EPHX2: variants seen among roughly 807,000 people sequenced by gnomAD.
The protein encoded by EPHX2 is bifunctional epoxide hydrolase 2.
Under a neutral mutation model 78.7 loss-of-function variants are expected in EPHX2, and 74 were observed. That is an observed-to-expected ratio of 0.94 (90% CI 0.78 to 1.14). The LOEUF (loss-of-function observed/expected upper bound fraction) is 1.14, where lower values mean the gene tolerates loss of function less well. Among genes scored for constraint, EPHX2 ranks in the 50% most tolerant of loss-of-function variants. EPHX2 has a pLI of 0.00. For synonymous variants in EPHX2, 251 were observed against 255.2 expected (o/e 0.98, Z 0.16); for missense variants, 715 against 702.5 (o/e 1.02, Z -0.20).
At chr8:27,529,979 A>G (rs1402701093) in intron 12 of EPHX2, among the ~76,000 whole-genome samples, 2 of 152,150 alleles carry the variant, frequency 1.3e-5, no homozygotes, top group Non-Finnish European at 2.9e-5. Context: ...AAATGTGGGA[A>G]AAGAAAAATT....
downstream of EPHX2, among the ~76,000 whole-genome samples, chr8:27,546,462 A>G (rs1815578661): frequency 6.6e-6 from 1 of 152,204 alleles, no homozygotes; most frequent in African/African-American, 2.4e-5. Context: ...AATCTTTTGC[A>G]TCTGAGAATT....
intron 14 of EPHX2, chr8:27,539,344 G>A (rs1400497707): frequency 6.6e-6 from 1 of 152,172 alleles, no homozygotes; most frequent in Non-Finnish European, 1.5e-5. Flanking sequence ...TAAAACTCTG[G>A]ACTAACCCCC....
chr8:27,525,114 G>GCGCGCGCGCGCA (rs1814793461), intron 11 of EPHX2, among the ~76,000 whole-genome samples: 1 of 150,634 alleles, frequency 6.6e-6, no homozygotes. Context: ...GTGTGCGCGC[G>GCGCGCGCGCGCA]CGCGCGCGCA....
rs1815539025 is a variant in EPHX2, at chr8:27,544,926, G to C, written c.*404G>C. 1 of 205,186 alleles carries C rather than the reference G, an allele frequency of 4.9e-6. No individual in the cohort carries two copies. The highest frequency in any genetic ancestry group is 9.9e-6 in the Non-Finnish European group (1 of 100,596). The allele number at this position is 205,186 out of a possible 1,614,324, so 12.7% of individuals were successfully genotyped here. ...TAAAGCTAAGATGACTATGCTGCTG[G>C]CTGTCTTTGTTCTTGGAGAGGTGGA... On this transcript the variant is annotated 3_prime_UTR_variant, in exon 19 of 19. Transcript: ENST00000521400.
intron 11 of EPHX2, among the ~76,000 whole-genome samples, chr8:27,525,107 T>TGTGTGTGTGTGC (rs1491544464): frequency 1.8e-4 from 19 of 103,490 alleles, no homozygotes; most frequent in African/African-American, 6.2e-4. Flanking sequence ...TGTGTGTGTG[T>TGTGTGTGTGTGC]GCGCGCGCGC....
rs374441457 is a variant in EPHX2 at position 27,518,130 on chromosome 8, C to T, written c.945+58C>T. The T allele has an allele frequency of 7.6e-5, 111 of 1,460,352 alleles. 1 individual carries two copies. The highest frequency in any genetic ancestry group is 4.8e-4 in the South Asian group (39 of 81,348). The allele number at this position is 1,460,352 out of a possible 1,614,324, so 90.5% of individuals were successfully genotyped here. A position where few individuals can be genotyped will look rare whatever the true frequency, so the allele number is the denominator to read the frequency against. On this transcript the variant is annotated intron_variant, in intron 9 of 18. Transcript: ENST00000521400. ...CCTGCGATTTTTGTTGCTATAAACC[C>T]GAAGCTGGGGTATCCATTCAAATTT... is the stretch of plus-strand genomic sequence containing the variant.
chr8:27,516,588 C>A (rs1038216308), intron 8 of EPHX2, among the ~76,000 whole-genome samples, 190 bp downstream of exon 8: 1 of 152,196 alleles, frequency 6.6e-6, no homozygotes, highest in Non-Finnish European at 1.5e-5. Flanking sequence ...CCCTGCCCCC[C>A]ACACTCTGAA....
chr8:27,514,319 A>G (rs1194065256), intron 6 of EPHX2, among the ~76,000 whole-genome samples: 3 of 152,168 alleles, frequency 2.0e-5, no homozygotes, highest in Non-Finnish European at 4.4e-5. Flanking sequence ...ACACTGCCCA[A>G]AAAAGAAACT....
intron 3 of EPHX2, 49 bp from the exon 4 acceptor site, chr8:27,504,907 C>T: frequency 1.2e-6 from 2 of 1,600,280 alleles, no homozygotes; most frequent in Non-Finnish European, 1.7e-6. Context: ...TGGAGCATTT[C>T]AGGGCAAAGG....
chr8:27,543,881 CG>C (rs1355165866), intron 17 of EPHX2, 52 bp downstream of exon 17: 3 of 1,582,464 alleles, frequency 1.9e-6, no homozygotes, highest in Non-Finnish European at 2.6e-6. Flanking sequence ...GGAGAGGGCA[CG>C]GGTGCTCAGA....
At chr8:27,527,837 C>A (rs1282723504) in intron 12 of EPHX2, among the ~76,000 whole-genome samples, 1 of 152,174 alleles carries the variant, frequency 6.6e-6, no homozygotes, top group East Asian at 1.9e-4. Context: ...TTATGTGCCA[C>A]GTGGTTCTAA....
chr8:27,541,395 G>A, intron 15 of EPHX2, 78 bp from the exon 16 acceptor site: 3 of 1,447,624 alleles, frequency 2.1e-6, no homozygotes, highest in Non-Finnish European at 2.9e-6. Context: ...TGGCTGTGCA[G>A]AGCAGGTTTC....
At chr8:27,524,407 T>G (rs563374520) in intron 11 of EPHX2, among the ~76,000 whole-genome samples, 9 of 152,264 alleles carry the variant, frequency 5.9e-5, no homozygotes, top group African/African-American at 2.2e-4. Flanking sequence ...AGGGCTGGAT[T>G]AATCATCCTG....
chr8:27,536,609 C>G (rs1176178156), intron 12 of EPHX2, among the ~76,000 whole-genome samples, 175 bp from the exon 13 acceptor site: 1 of 152,148 alleles, frequency 6.6e-6, no homozygotes, highest in Non-Finnish European at 1.5e-5. Context: ...GTATTTTATG[C>G]TAACCTTTTT....
intron 1 of EPHX2, among the ~76,000 whole-genome samples, chr8:27,497,899 C>T (rs531227922): frequency 9.9e-5 from 15 of 152,282 alleles, no homozygotes; most frequent in East Asian, 3.9e-4. Context: ...ATACTGGGGA[C>T]GGCTTGTTGA....
chr8:27,517,560 G>A (rs931965575), intron 8 of EPHX2, among the ~76,000 whole-genome samples: 2 of 152,216 alleles, frequency 1.3e-5, no homozygotes, highest in African/African-American at 4.8e-5. Context: ...ACTTTCAGTG[G>A]AACAGAATAG....
intron 16 of EPHX2, 113 bp from the exon 17 acceptor site, chr8:27,543,636 G>A (rs567085576): frequency 7.7e-6 from 8 of 1,039,554 alleles, no homozygotes; most frequent in African/African-American, 3.2e-5. Flanking sequence ...TGCAAAGTTC[G>A]GCAGATACAA....
chr8:27,518,825 T>G (rs1014028800), intron 9 of EPHX2, among the ~76,000 whole-genome samples: 5 of 152,196 alleles, frequency 3.3e-5, no homozygotes, highest in Non-Finnish European at 4.4e-5. Context: ...CTGCTCCTCC[T>G]TCCTCAGTTT....
chr8:27,538,157 GT>G (rs2132794838), intron 13 of EPHX2, among the ~76,000 whole-genome samples: 1 of 152,264 alleles, frequency 6.6e-6, no homozygotes, highest in South Asian at 2.1e-4. Flanking sequence ...GTGTCTTTTG[GT>G]TTCCTCTTAG....
Sources: gnomAD v4.1 joint callset for allele counts (sites outside exome capture counted in the v4.1 genomes callset) on GRCh38, gnomAD v4.1.1 for gene constraint, MANE v1.5 for transcripts, NCBI Gene and HGNC (gene_info 2026-07-23, HGNC 2026-07-21) for gene names.